The following IQGAP2 variants were observed in gnomAD, a reference collection of about 807,000 sequenced individuals.
IQGAP2 encodes the protein ras GTPase-activating-like protein IQGAP2.
In IQGAP2, 173 loss-of-function variants were observed where a neutral mutation model predicts 201.3. That is an observed-to-expected ratio of 0.86 (90% CI 0.76 to 0.98). The LOEUF is 0.98. Among genes scored for constraint, IQGAP2 ranks in the 50% least tolerant of loss-of-function variants. The pLI is 0.00. For synonymous variants in IQGAP2, 675 were observed against 673.9 expected (o/e 1.00, Z -0.03); for missense variants, 1,687 against 1,864.8 (o/e 0.90, Z 1.76).
intron 2 of IQGAP2, among the ~76,000 whole-genome samples, chr5:76,475,115 C>T (rs1338837278): frequency 6.6e-6 from 1 of 152,088 alleles, no homozygotes; most frequent in Non-Finnish European, 1.5e-5. Context: ...CTTCCCACCC[C>T]AGCTTAGAAA....
rs542171350 is a variant in IQGAP2, at chr5:76,437,641, C to T, written c.47-23929C>T. Among the ~76,000 whole-genome samples, 72 of 152,234 alleles carry T rather than the reference C, an allele frequency of 4.7e-4. 1 individual carries two copies. The South Asian group carries it at 6.0e-3, about 13-fold the overall frequency. On this transcript the variant is annotated intron_variant, in intron 1 of 35. Transcript: ENST00000274364. The stretch of plus-strand genomic sequence containing the variant: ...AACGTGTGGTGTTTGGTTTTTTGTT[C>T]CTGTGTTAGTTTGCTGAGGATAATG...
At chr5:76,570,912 G>C (rs1458720422) in intron 4 of IQGAP2, among the ~76,000 whole-genome samples, 2 of 152,132 alleles carry the variant, frequency 1.3e-5, no homozygotes, top group Non-Finnish European at 2.9e-5. Flanking sequence ...TGGTAGATAG[G>C]TGAGCTATCT....
intron 14 of IQGAP2, among the ~76,000 whole-genome samples, chr5:76,629,101 A>G (rs976596796): frequency 6.6e-6 from 1 of 152,206 alleles, no homozygotes; most frequent in Non-Finnish European, 1.5e-5. Flanking sequence ...CTATAAAAGT[A>G]AGAGGATTTC....
chr5:76,675,517 A>G (rs921500841), intron 27 of IQGAP2, among the ~76,000 whole-genome samples: 17 of 152,190 alleles, frequency 1.1e-4, no homozygotes, highest in African/African-American at 4.1e-4. Context: ...TGTGTTTCCA[A>G]ATTATATCAC....
intron 13 of IQGAP2, among the ~76,000 whole-genome samples, chr5:76,622,172 C>A (rs1026143429): frequency 1.3e-5 from 2 of 152,100 alleles, no homozygotes; most frequent in Non-Finnish European, 2.9e-5. Flanking sequence ...TTCAGAGGCC[C>A]CCGTTTTCAC....
At position 76,641,125 on chromosome 5, in the gene IQGAP2, G is replaced by T. The variant is rs368833539; in HGVS notation, c.2094+22G>T. 37 of 1,517,720 alleles carry T rather than the reference G, an allele frequency of 2.4e-5. No individual in the cohort carries two copies. In the African/African-American group the frequency reaches 4.8e-4, roughly 20 times the overall value. The allele number at this position is 1,517,720 out of a possible 1,614,324, so 94.0% of individuals were successfully genotyped here. A position where few individuals can be genotyped will look rare whatever the true frequency, so the allele number is the denominator to read the frequency against. On this transcript the variant is annotated intron_variant, in intron 17 of 35. Coordinates refer to ENST00000274364, the MANE Select transcript of IQGAP2 (RefSeq NM_006633.5). ...ACAGGTATGTGGATCACCTGCCACT[G>T]TTTACACAAAACTGTCATATCACCT...
At chr5:76,428,607 T>A (rs535709561) in intron 1 of IQGAP2, among the ~76,000 whole-genome samples, 1 of 151,506 alleles carries the variant, frequency 6.6e-6, no homozygotes, top group African/African-American at 2.4e-5. Flanking sequence ...ATTTTGCATT[T>A]TTTTTAGTAG....
intron 1 of IQGAP2, among the ~76,000 whole-genome samples, chr5:76,459,594 G>C (rs944262789): frequency 2.2e-4 from 34 of 152,102 alleles, no homozygotes; most frequent in Non-Finnish European, 4.4e-5. Flanking sequence ...ATTAGGTGAT[G>C]GTATGTGAGT....
At chr5:76,530,175 T>C (rs149676274) in intron 2 of IQGAP2, among the ~76,000 whole-genome samples, 27 of 152,328 alleles carry the variant, frequency 1.8e-4, no homozygotes, top group African/African-American at 6.5e-4. Flanking sequence ...TGAATAAAAC[T>C]TTATAGAAAA....
intron 12 of IQGAP2, chr5:76,606,573 G>A (rs1338309360): frequency 9.2e-6 from 2 of 218,562 alleles, no homozygotes; most frequent in Non-Finnish European, 1.8e-5. Flanking sequence ...GTACTTCAGA[G>A]ACAGCTAAAT....
At chr5:76,446,776 C>G (rs932465811) in intron 1 of IQGAP2, among the ~76,000 whole-genome samples, 1 of 152,196 alleles carries the variant, frequency 6.6e-6, no homozygotes, top group Non-Finnish European at 1.5e-5. Context: ...ATCCTACCCT[C>G]CAAGTGTATT....
chr5:76,656,246 G>T (rs13189844), intron 20 of IQGAP2, among the ~76,000 whole-genome samples: 1 of 151,186 alleles, frequency 6.6e-6, no homozygotes, highest in Non-Finnish European at 1.5e-5. Flanking sequence ...TTCTTGAGAC[G>T]GAGTCTCGCT....
At chr5:76,476,902 G>A (rs577460682) in intron 2 of IQGAP2, among the ~76,000 whole-genome samples, 3 of 152,220 alleles carry the variant, frequency 2.0e-5, no homozygotes, top group East Asian at 1.9e-4. Context: ...TAATAAGTGG[G>A]CGTGTGTGTC....
intron 5 of IQGAP2, among the ~76,000 whole-genome samples, chr5:76,580,233 G>T (rs576562774): frequency 1.3e-5 from 2 of 151,012 alleles, no homozygotes; most frequent in East Asian, 3.9e-4. Flanking sequence ...CTGAGACTGT[G>T]CCACTGCACT....
chr5:76,660,274 G>T (rs1168315653), intron 21 of IQGAP2: 1 of 152,132 alleles, frequency 6.6e-6, no homozygotes, highest in Non-Finnish European at 1.5e-5. Flanking sequence ...TTTATAAACA[G>T]AAATAATCAT....
chr5:76,413,458 C>G (rs760150916), intron 1 of IQGAP2, among the ~76,000 whole-genome samples: 2 of 152,168 alleles, frequency 1.3e-5, no homozygotes, highest in Non-Finnish European at 2.9e-5. Flanking sequence ...CGTGGGCCAC[C>G]ACGCCCAACT....
At chr5:76,432,531 T>C (rs1752434873) in intron 1 of IQGAP2, among the ~76,000 whole-genome samples, 1 of 152,204 alleles carries the variant, frequency 6.6e-6, no homozygotes, top group Admixed American at 6.5e-5. Flanking sequence ...GATCTAGAGC[T>C]ACATTTTAAA....
At chr5:76,663,525 A>G (rs1743458982) in intron 21 of IQGAP2, among the ~76,000 whole-genome samples, 1 of 152,216 alleles carries the variant, frequency 6.6e-6, no homozygotes, top group Non-Finnish European at 1.5e-5. Context: ...TGTCACAATG[A>G]GCAACCTTTA....
At chr5:76,430,908 A>T (rs1156369666) in intron 1 of IQGAP2, among the ~76,000 whole-genome samples, 1 of 152,212 alleles carries the variant, frequency 6.6e-6, no homozygotes, top group Non-Finnish European at 1.5e-5. Flanking sequence ...AGTAGTTCAA[A>T]TAAATTATAA....
Sources: allele counts gnomAD v4.1 joint callset (sites outside exome capture counted in the v4.1 genomes callset), GRCh38; gene constraint gnomAD v4.1.1; transcripts MANE v1.5; gene names NCBI Gene and HGNC (gene_info 2026-07-23, HGNC 2026-07-21).